AP4B1: variants seen among roughly 807,000 people sequenced by gnomAD.
AP4B1 encodes adaptor related protein complex 4 subunit beta 1.
In AP4B1, 49 loss-of-function variants were observed where a neutral mutation model predicts 76.5. The ratio of observed to expected loss-of-function variants is 0.64; its 90% CI spans 0.51 to 0.81. The LOEUF is 0.81. Ranked by LOEUF, AP4B1 falls within the 40% of genes least tolerant of loss-of-function variation. The pLI, the probability that AP4B1 is intolerant of heterozygous loss-of-function variation, is 0.00. For missense variants in AP4B1, 911 were observed against 904.9 expected, an observed-to-expected ratio of 1.01 and a Z score of -0.09; for synonymous variants, 330 against 333.3, an observed-to-expected ratio of 0.99 and a Z score of 0.11.
chr1:113,898,819 G>A lies in AP4B1; in HGVS notation c.1115-18C>T. On this transcript the variant is annotated intron_variant, in intron 5 of 9. Transcript: ENST00000369569. ...AATGCCACCTACAAAAGAAGGGAAA[G>A]CAGAGAAAACTGCTAAGTGAAATAT... 6.3e-7 allele frequency: 1 copy of A among 1,594,196 alleles called. No homozygotes were observed. The highest frequency in any genetic ancestry group is 8.5e-7 in the Non-Finnish European group (1 of 1,170,858).
Position 113,901,740 on chromosome 1 carries a change from T to C in AP4B1, c.469+15A>G. 2 of 1,614,160 alleles carry C rather than the reference T, an allele frequency of 1.2e-6. No homozygotes were observed. Among genetic ancestry groups the C allele is most frequent in the Non-Finnish European group, 1.7e-6 (2 of 1,180,000 alleles). On this transcript the variant is annotated intron_variant, in intron 3 of 9. Transcript: ENST00000369569. ...ATGGAGGCACATTGACCATGATGGA[T>C]TACACTGAACTTACCTACTTCAGAG... is the stretch of plus-strand genomic sequence containing the variant.
chr1:113,902,975 G>T, intron 1 of AP4B1, 113 bp from the exon 2 acceptor site: 1 of 920,942 alleles, frequency 1.1e-6, no homozygotes, highest in Non-Finnish European at 1.7e-6. Flanking sequence ...TCTCTTAGAG[G>T]GTAGCAGCCA....
chr1:113,895,815 G>A lies in AP4B1; in HGVS notation c.1734C>T (p.Cys578=). The A allele has an allele frequency of 6.2e-7, 1 of 1,614,240 alleles. No homozygotes were observed. The highest frequency in any genetic ancestry group is 8.5e-7 in the Non-Finnish European group (1 of 1,180,036). ...GKAHWATISK[C]QGAERCDPEL... is the part of the protein sequence containing the mutation. ...CTGGGTCACAACGCTCTGCCCCCTG[G>A]CATTTAGAGATAGTTGCCCAGTGGG... is the stretch of plus-strand genomic sequence containing the variant. Residue 578 remains cysteine, a synonymous_variant, in exon 9 of 10, where the codon TGC becomes TGT. Transcript: ENST00000369569.
intron 7 of AP4B1, chr1:113,896,739 AT>A: frequency 1.9e-6 from 1 of 512,844 alleles, no homozygotes; most frequent in East Asian, 3.5e-5. Flanking sequence ...CTTTGGCCCT[AT>A]TGGGTTTTAG....
At chr1:113,902,920 G>A (rs1668471871) in intron 1 of AP4B1, 58 bp from the exon 2 acceptor site, 2 of 1,522,448 alleles carry the variant, frequency 1.3e-6, no homozygotes, top group Admixed American at 1.7e-5. Flanking sequence ...TTACAATGGA[G>A]GGAGTTTTAC....
At chr1:113,898,502 A>G (rs1182252989) in intron 6 of AP4B1, among the ~76,000 whole-genome samples, 1 of 152,232 alleles carries the variant, frequency 6.6e-6, no homozygotes, top group African/African-American at 2.4e-5. Flanking sequence ...AGTAGCCTTC[A>G]TTATCTATAG....
chr1:113,896,866 G>A lies in AP4B1; in HGVS notation c.1303-401C>T, dbSNP rs1032315221. The A allele has an allele frequency of 2.7e-4, 64 of 237,342 alleles. 1 individual carries two copies. The highest frequency in any genetic ancestry group is 7.5e-5 in the Non-Finnish European group (9 of 120,154). The allele number at this position is 237,342 out of a possible 1,614,324, so 14.7% of individuals were successfully genotyped here. ...CTTCTTAAAAATGTATCTGTCAGCC[G>A]GGCACGGTGGCTTACGTCTGTAATC... On this transcript the variant is annotated intron_variant, in intron 7 of 9. Transcript: ENST00000369569.
Position 113,895,985 on chromosome 1 carries a change from G to A in AP4B1, c.1564C>T (p.Leu522Phe). 1.9e-6 allele frequency: 3 copies of A among 1,614,212 alleles called. No homozygotes were observed. The highest frequency in any genetic ancestry group is 2.5e-6 in the Non-Finnish European group (3 of 1,180,038). Residue 522 changes from leucine (L) to phenylalanine (F), a missense_variant, in exon 9 of 10, where the codon CTC becomes TTC. By Grantham distance (22) the Leu-to-Phe change is conservative. Transcript: ENST00000369569. ...TTAACTTCATCAATGCCAACTAAGAGGAGGCGATAATAGAAGAGACCTCGG... is the reference window on the plus strand; with the variant it reads ...TTAACTTCATCAATGCCAACTAAGAAGAGGCGATAATAGAAGAGACCTCGG... ...RDRGLFYYRL[L>F]LVGIDEVKRI...
intron 5 of AP4B1, 34 bp downstream of exon 5, chr1:113,899,870 A>G (rs1667994311): frequency 1.2e-6 from 2 of 1,614,110 alleles, no homozygotes; most frequent in Non-Finnish European, 1.7e-6. Flanking sequence ...TGGCTGGTCT[A>G]GGTTCTCAAG....
intron 3 of AP4B1, 50 bp from the exon 4 acceptor site, chr1:113,901,433 A>C (rs753976730): frequency 6.9e-5 from 110 of 1,587,522 alleles, no homozygotes; most frequent in Non-Finnish European, 9.1e-5. Context: ...CTTCAGAGTA[A>C]CAAGGATGTA....
chr1:113,902,019 CA>C, intron 2 of AP4B1, 134 bp from the exon 3 acceptor site: 1 of 1,187,542 alleles, frequency 8.4e-7, no homozygotes, highest in South Asian at 1.3e-5. Context: ...AAGCCTCTAT[CA>C]AGCTTAAAAA....
intron 4 of AP4B1, 79 bp from the exon 5 acceptor site, chr1:113,900,479 T>C (rs898645874): frequency 6.5e-7 from 1 of 1,531,138 alleles, no homozygotes; most frequent in Non-Finnish European, 8.9e-7. Context: ...TATGACCAGG[T>C]GGTTGTTCAT....
intron 7 of AP4B1, 178 bp downstream of exon 7, chr1:113,897,662 A>G: frequency 3.0e-6 from 2 of 661,026 alleles, no homozygotes; most frequent in South Asian, 1.9e-5. Context: ...CCCGTCGGAT[A>G]AATCTTGTTT....
chr1:113,898,598 T>C (rs1558085051), intron 6 of AP4B1, 120 bp downstream of exon 6: 1 of 814,766 alleles, frequency 1.2e-6, no homozygotes, highest in Admixed American at 1.7e-5. Flanking sequence ...CAACAGATGA[T>C]GATGCAAGGA....
At position 113,899,988 on chromosome 1, in the gene AP4B1, T is replaced by G. The variant is rs759958472; in HGVS notation, c.1030A>C (p.Asn344His). 40 of 1,614,076 alleles carry G rather than the reference T, an allele frequency of 2.5e-5. No individual in the cohort carries two copies. In the South Asian group the frequency reaches 4.1e-4, roughly 16 times the overall value. The change falls in exon 5 of 10, where the codon AAT (asparagine) becomes CAT (histidine). Residue 344 changes from asparagine to histidine, a missense_variant. By Grantham distance (68) the Asn-to-His change is moderately conservative. Coordinates refer to ENST00000369569, the MANE Select transcript of AP4B1 (RefSeq NM_001253852.3). The part of the protein sequence containing the change: ...EVLCELVNDE[N>H]VQQVLEELRG... ...AGCTCCTCTAGCACCTGCTGCACAT[T>G]CTCATCGTTCACCAGTTCACACAGC...
In AP4B1 at chr1:113,895,230, A is replaced by G; in HGVS notation, c.2055T>C (p.Ala685=). ...GSRPWKAYLS[A]QDDTGCLFLT... ...AGAACAGACAGCCAGTATCATCCTG[A>G]GCACTGAGGTATGCTTTCCATGGCC... Residue 685 remains alanine (A), a synonymous_variant, in exon 10 of 10, where the codon GCT becomes GCC. Transcript: ENST00000369569. 1 of 1,614,204 alleles carries G rather than the reference A, an allele frequency of 6.2e-7. No homozygotes were observed. The highest frequency in any genetic ancestry group is 8.5e-7 in the Non-Finnish European group (1 of 1,180,048).
Position 113,898,049 on chromosome 1 carries a change from G to A in AP4B1, c.1199-106C>T. 4 of 1,572,940 alleles carry A rather than the reference G, an allele frequency of 2.5e-6. No individual in the cohort carries two copies. The South Asian group carries it at 3.4e-5, about 13-fold the overall frequency. On this transcript the variant is annotated intron_variant, in intron 6 of 9. Coordinates refer to ENST00000369569, the MANE Select transcript of AP4B1 (RefSeq NM_001253852.3). ...GACTCATGATTCTGGCTGGATTTCT[G>A]TAAAATGGGTTTTGGAGGTGTGGTC...
At chr1:113,903,190 C>T (rs995651258) in intron 1 of AP4B1, among the ~76,000 whole-genome samples, 8 of 152,214 alleles carry the variant, frequency 5.3e-5, no homozygotes, top group Non-Finnish European at 1.2e-4. Context: ...CTCAGCCTCC[C>T]GAGTAGCTGG....
chr1:113,894,981 C>T lies in AP4B1; in HGVS notation c.*84G>A. ...CACTCTCCTTTGTATCTGATATTATCTGGACTTACTGGCAGCTCTAATAGG... is the reference window on the plus strand; with the variant it reads ...CACTCTCCTTTGTATCTGATATTATTTGGACTTACTGGCAGCTCTAATAGG... On this transcript the variant is annotated 3_prime_UTR_variant, in exon 10 of 10. Coordinates refer to ENST00000369569, the MANE Select transcript of AP4B1 (RefSeq NM_001253852.3). The T allele has an allele frequency of 7.1e-7, 1 of 1,405,380 alleles. No individual in the cohort carries two copies. The highest frequency in any genetic ancestry group is 1.3e-5 in the South Asian group (1 of 79,112). 87.1% of individuals were successfully genotyped at this position (1,405,380 alleles called of 1,614,324 possible).
Sources: gnomAD v4.1 joint callset for allele counts (sites outside exome capture counted in the v4.1 genomes callset) on GRCh38, gnomAD v4.1.1 for gene constraint, MANE v1.5 for transcripts, NCBI Gene and HGNC (gene_info 2026-07-23, HGNC 2026-07-21) for gene names.